Variants in CSMD2 observed in about 807,000 individuals in gnomAD.
CSMD2 encodes the protein CUB and Sushi multiple domains 2.
A neutral mutation model predicts 398.5 loss-of-function variants in CSMD2; 130 were observed. The observed-to-expected ratio is 0.33, with a 90% confidence interval of 0.28 to 0.38. The LOEUF (loss-of-function observed/expected upper bound fraction) is 0.38. Among genes scored for constraint, CSMD2 ranks in the 10% least tolerant of loss-of-function variants. The pLI, the probability that CSMD2 is intolerant of heterozygous loss-of-function variation, is 1.00. For synonymous variants in CSMD2, 1,828 were observed against 1,908.5 expected (o/e 0.96, Z 1.10); for missense variants, 3,829 against 4,764.9 (o/e 0.80, Z 5.78).
intron 25 of CSMD2, among the ~76,000 whole-genome samples, chr1:33,688,093 C>T (rs894749605): frequency 6.6e-6 from 1 of 152,024 alleles, no homozygotes; most frequent in Non-Finnish European, 1.5e-5. Flanking sequence ...AAAATATATC[C>T]TAAGGAAATA....
intron 1 of CSMD2, among the ~76,000 whole-genome samples, chr1:34,130,159 G>A (rs1030737719): frequency 3.9e-5 from 6 of 152,064 alleles, no homozygotes; most frequent in Non-Finnish European, 8.8e-5. Context: ...TCATCCTCAT[G>A]CAGCTTGTTG....
At chr1:33,684,226 C>T (rs1050289655) in intron 25 of CSMD2, among the ~76,000 whole-genome samples, 20 of 152,180 alleles carry the variant, frequency 1.3e-4, no homozygotes, top group Admixed American at 4.6e-4. Context: ...AAACCATGCC[C>T]GCCAATGCCT....
chr1:33,895,114 T>A (rs540404009), intron 5 of CSMD2, among the ~76,000 whole-genome samples: 1 of 152,214 alleles, frequency 6.6e-6, no homozygotes, highest in Non-Finnish European at 1.5e-5. Context: ...ACCTACATGT[T>A]GTATGTTAGA....
rs191486371 is a variant in CSMD2 at position 33,742,248 on chromosome 1, C to T, written c.2173+1032G>A. 3.3e-3 allele frequency among the ~76,000 whole-genome samples: 500 copies of T among 152,232 alleles called. 4 individuals are homozygous for T. The highest frequency in any genetic ancestry group is 0.011 in the African/African-American group (473 of 41,538). On this transcript the variant is annotated intron_variant, in intron 14 of 70. Transcript: ENST00000373381. ...GGCTGGTCTCTTGGAATCGGGGGAC[C>T]CAAATGGCCCACCAGGTAGCATCTA...
chr1:34,115,196 A>G (rs1456648364), intron 1 of CSMD2, among the ~76,000 whole-genome samples: 1 of 152,170 alleles, frequency 6.6e-6, no homozygotes, highest in East Asian at 1.9e-4. Context: ...GAAAAAAATA[A>G]CGGCTGAAAA....
chr1:33,828,999 T>C (rs1436555933), intron 6 of CSMD2, among the ~76,000 whole-genome samples: 3 of 152,230 alleles, frequency 2.0e-5, no homozygotes, highest in Admixed American at 6.5e-5. Flanking sequence ...CTCCATAATG[T>C]ACATATGAAC....
At chr1:33,553,373 C>T (rs944056529) in intron 55 of CSMD2, among the ~76,000 whole-genome samples, 1 of 152,112 alleles carries the variant, frequency 6.6e-6, no homozygotes, top group African/African-American at 2.4e-5. Context: ...TTTTGGGGCG[C>T]CATGAACCAT....
intron 29 of CSMD2, among the ~76,000 whole-genome samples, chr1:33,645,270 C>T (rs189653663): frequency 4.6e-5 from 7 of 151,340 alleles, no homozygotes; most frequent in South Asian, 4.2e-4. Context: ...TGGGTGAACC[C>T]GGGTTATAGT....
intron 7 of CSMD2, among the ~76,000 whole-genome samples, chr1:33,822,454 C>T (rs1179754144): frequency 6.6e-6 from 1 of 152,160 alleles, no homozygotes; most frequent in Admixed American, 6.5e-5. Context: ...GCCATGGAAC[C>T]TGAGGATTTG....
chr1:33,734,847 CTT>C (rs1187093281), intron 15 of CSMD2, among the ~76,000 whole-genome samples: 1 of 151,616 alleles, frequency 6.6e-6, no homozygotes, highest in African/African-American at 2.4e-5. Context: ...GATAATTTAT[CTT>C]TTTTTGTGTG....
chr1:34,057,609 C>T (rs940141656), intron 2 of CSMD2, among the ~76,000 whole-genome samples: 1 of 152,148 alleles, frequency 6.6e-6, no homozygotes, highest in African/African-American at 2.4e-5. Flanking sequence ...CTCAGTCCTC[C>T]AGCCCCTTGC....
At chr1:33,858,694 G>A (rs1639271954) in intron 5 of CSMD2, among the ~76,000 whole-genome samples, 1 of 152,148 alleles carries the variant, frequency 6.6e-6, no homozygotes, top group Non-Finnish European at 1.5e-5. Flanking sequence ...TTCTTACTAT[G>A]TAGCGATCCA....
intron 3 of CSMD2, among the ~76,000 whole-genome samples, chr1:33,990,559 G>GGGGCTGTCTCTTCCAC (rs1646517203): frequency 6.6e-6 from 1 of 152,078 alleles, no homozygotes; most frequent in South Asian, 2.1e-4. Flanking sequence ...TTGCTGCTCT[G>GGGGCTGTCTCTTCCAC]GGGCTGTCTC....
At chr1:33,521,827 T>C (rs1654329250) in intron 67 of CSMD2, among the ~76,000 whole-genome samples, 1 of 152,166 alleles carries the variant, frequency 6.6e-6, no homozygotes, top group South Asian at 2.1e-4. Flanking sequence ...ATGTGCAAAA[T>C]GAGAATAGTA....
At position 33,546,178 on chromosome 1, in the gene CSMD2, G is replaced by A. The variant is rs1656872547; in HGVS notation, c.8959C>T (p.His2987Tyr). The A allele has an allele frequency of 1.9e-6, 3 of 1,614,182 alleles. No individual in the cohort carries two copies. The highest frequency in any genetic ancestry group is 1.3e-5 in the African/African-American group (1 of 75,060). ...GVCGDPGIPAHGIRLGDSFDP... is the reference protein window; with the variant it reads ...GVCGDPGIPAYGIRLGDSFDP... ...AAGCTGTCCCCCAAACGGATGCCATGAGCCGGGATCCCAGGGTCACCGCAA... is the reference window on the plus strand; with the variant it reads ...AAGCTGTCCCCCAAACGGATGCCATAAGCCGGGATCCCAGGGTCACCGCAA... The change falls in exon 57 of 71, where the codon CAT (histidine) becomes TAT (tyrosine). Residue 2987 changes from histidine (H) to tyrosine (Y), a missense_variant. Transcript: ENST00000373381.
intron 3 of CSMD2, among the ~76,000 whole-genome samples, chr1:33,964,949 C>G (rs1230101224): frequency 6.6e-6 from 1 of 152,234 alleles, no homozygotes; most frequent in Non-Finnish European, 1.5e-5. Context: ...CAGATGAGAA[C>G]TTGCATTTAG....
chr1:34,089,147 C>G lies in CSMD2; in HGVS notation c.234G>C (p.Glu78Asp). 2 of 1,614,158 alleles carry G rather than the reference C, an allele frequency of 1.2e-6. No homozygotes were observed. The highest frequency in any genetic ancestry group is 1.7e-6 in the Non-Finnish European group (2 of 1,180,032). ...FQLHGPNGTVESPGFPYGYPN... is the reference protein window; with the variant it reads ...FQLHGPNGTVDSPGFPYGYPN... ...GGTAGCCATATGGGAACCCTGGGCT[C>G]TCAACTGTCCCATTGGGACCGTGCA... Residue 78 changes from glutamate to aspartate, a missense_variant, in exon 2 of 71, where the codon GAG becomes GAC. This residue lies in a region of CSMD2 where 184 missense variants were observed against 217.7 expected (regional missense o/e 0.85). Coordinates refer to ENST00000373381, the MANE Select transcript of CSMD2 (RefSeq NM_001281956.2).
chr1:34,155,181 G>C (rs920440063), intron 1 of CSMD2, among the ~76,000 whole-genome samples: 5 of 152,172 alleles, frequency 3.3e-5, no homozygotes, highest in African/African-American at 1.2e-4. Context: ...AAGTGCTAAT[G>C]GACTGAGGGT....
chr1:34,111,854 A>G (rs1661111340), intron 1 of CSMD2, among the ~76,000 whole-genome samples: 1 of 152,166 alleles, frequency 6.6e-6, no homozygotes, highest in South Asian at 2.1e-4. Context: ...AGCTGACCAG[A>G]GCTAAGAAGC....
Sources: gnomAD v4.1 joint callset for allele counts (sites outside exome capture counted in the v4.1 genomes callset) on GRCh38, gnomAD v4.1.1 for gene constraint, gnomAD v4.1.1 regional missense constraint, MANE v1.5 for transcripts, NCBI Gene and HGNC (gene_info 2026-07-23, HGNC 2026-07-21) for gene names.